The following ALPK2 variants were observed in gnomAD, a reference collection of about 807,000 sequenced individuals.
ALPK2 encodes alpha-protein kinase 2.
In ALPK2, 127 loss-of-function variants were observed where a neutral mutation model predicts 163.1. That is an observed-to-expected ratio of 0.78 (90% confidence interval 0.67 to 0.90). The LOEUF is 0.90. Among genes scored for constraint, ALPK2 ranks in the 40% least tolerant of loss-of-function variants. ALPK2 has a pLI of 0.00. For synonymous variants in ALPK2, 953 were observed against 959.1 expected (o/e 0.99, Z 0.12); for missense variants, 2,360 against 2,589.6 (o/e 0.91, Z 1.92).
intron 11 of ALPK2, among the ~76,000 whole-genome samples, chr18:58,502,187 A>G (rs1199879171): frequency 1.4e-4 from 21 of 146,812 alleles, no homozygotes; most frequent in African/African-American, 5.4e-4. Flanking sequence ...CACAAAGAAA[A>G]AAAAAAGGAA....
intron 5 of ALPK2, among the ~76,000 whole-genome samples, chr18:58,533,156 C>T (rs989445947): frequency 1.7e-4 from 26 of 152,246 alleles, no homozygotes; most frequent in Non-Finnish European, 1.3e-4. Context: ...AGGCGGCATG[C>T]TCGGTCTTTG....
chr18:58,522,097 G>A (rs1307372921), intron 8 of ALPK2, among the ~76,000 whole-genome samples: 1 of 152,100 alleles, frequency 6.6e-6, no homozygotes, highest in Non-Finnish European at 1.5e-5. Context: ...TCAATTAACT[G>A]TCAGAATTTA....
chr18:58,600,270 C>T (rs2052062633), intron 3 of ALPK2, among the ~76,000 whole-genome samples: 1 of 152,148 alleles, frequency 6.6e-6, no homozygotes, highest in African/African-American at 2.4e-5. Flanking sequence ...CTCCTGACCT[C>T]AAGAGATCTG....
Position 58,535,500 on chromosome 18 carries a change from G to A in ALPK2, c.4687C>T (p.Gln1563Ter). ...TCATTTTCAGGGACGTCATGAATTT[G>A]GCCTGTGGAGTTGTGCGTGTCAACC... ...LGVDTHNSTG[Q>*]IHDVPENDIV... The change falls in exon 5 of 13, where the codon CAA becomes TAA. Residue 1563 changes from glutamine (Q) to a stop codon, truncating the protein, a stop_gained. Transcript: ENST00000361673. LOFTEE classifies it high-confidence loss of function. The A allele has an allele frequency of 6.2e-7, 1 of 1,614,134 alleles. No individual in the cohort carries two copies. Among genetic ancestry groups the A allele is most frequent in the Non-Finnish European group, 8.5e-7 (1 of 1,179,998 alleles).
At chr18:58,589,645 A>G (rs1254146148) in intron 3 of ALPK2, among the ~76,000 whole-genome samples, 1 of 152,208 alleles carries the variant, frequency 6.6e-6, no homozygotes, top group East Asian at 1.9e-4. Flanking sequence ...CATCTTCTTC[A>G]TCCTTATTCT....
chr18:58,588,393 C>A (rs576397307), intron 3 of ALPK2, among the ~76,000 whole-genome samples: 1 of 152,094 alleles, frequency 6.6e-6, no homozygotes, highest in Non-Finnish European at 1.5e-5. Context: ...GTGAAAAGGG[C>A]AAATAATGTT....
chr18:58,510,347 A>T (rs1198741802), intron 10 of ALPK2, among the ~76,000 whole-genome samples: 1 of 152,228 alleles, frequency 6.6e-6, no homozygotes, highest in African/African-American at 2.4e-5. Flanking sequence ...CTTTTGGCTT[A>T]GGACTGACTT....
chr18:58,493,375 C>A lies in ALPK2; in HGVS notation c.6296+4674G>T, dbSNP rs529860003. 2.0e-5 allele frequency among the ~76,000 whole-genome samples: 3 copies of A among 152,260 alleles called. No individual in the cohort carries two copies. In the South Asian group the frequency reaches 6.2e-4, roughly 32 times the overall value. On this transcript the variant is annotated intron_variant, in intron 12 of 12. Transcript: ENST00000361673. Reference sequence around the variant, plus strand: ...CACCACTCATGCACATAAGCCTATTCTCGGGGCGTGTTTCTTCGGATTAGA... The same window carrying A: ...CACCACTCATGCACATAAGCCTATTATCGGGGCGTGTTTCTTCGGATTAGA...
chr18:58,516,825 C>CA, intron 9 of ALPK2, 83 bp downstream of exon 9: 1 of 1,474,862 alleles, frequency 6.8e-7, no homozygotes, highest in South Asian at 1.2e-5. Context: ...ATATTCCCAT[C>CA]AATCCTGAGT....
intron 3 of ALPK2, among the ~76,000 whole-genome samples, chr18:58,605,893 G>A (rs1161446067): frequency 6.6e-6 from 1 of 152,204 alleles, no homozygotes; most frequent in Non-Finnish European, 1.5e-5. Context: ...GACAATGTTT[G>A]TGTTATTTAC....
chr18:58,527,427 C>A (rs1039741692), intron 6 of ALPK2, among the ~76,000 whole-genome samples: 1 of 152,172 alleles, frequency 6.6e-6, no homozygotes, highest in African/African-American at 2.4e-5. Flanking sequence ...GCAAACATCA[C>A]TAGGAATCAA....
chr18:58,505,869 C>G (rs1273019612), intron 10 of ALPK2, among the ~76,000 whole-genome samples: 1 of 151,916 alleles, frequency 6.6e-6, no homozygotes, highest in Non-Finnish European at 1.5e-5. Context: ...CACAGTGGAT[C>G]TCTCACTTCT....
At chr18:58,559,137 T>C (rs2051810593) in intron 4 of ALPK2, among the ~76,000 whole-genome samples, 1 of 152,226 alleles carries the variant, frequency 6.6e-6, no homozygotes, top group Admixed American at 6.5e-5. Context: ...TGATGGTATA[T>C]AATCTAGCCA....
chr18:58,543,536 C>A (rs2051702427), intron 4 of ALPK2: 2 of 277,436 alleles, frequency 7.2e-6, no homozygotes, highest in Non-Finnish European at 1.1e-5. Context: ...TGCAGATGAC[C>A]ACGTTCTGGG....
chr18:58,550,278 T>A (rs1338155615), intron 4 of ALPK2, among the ~76,000 whole-genome samples: 8 of 42,538 alleles, frequency 1.9e-4, no homozygotes, highest in Admixed American at 5.5e-4. Flanking sequence ...CTCCTTCCCC[T>A]CCTCCATCAC....
At chr18:58,611,597 C>T in intron 2 of ALPK2, 92 bp downstream of exon 2, 1 of 1,133,636 alleles carries the variant, frequency 8.8e-7, no homozygotes, top group South Asian at 1.4e-5. Flanking sequence ...GGTAATTTTC[C>T]CAAATGATGT....
chr18:58,520,962 G>A (rs1035725201), intron 8 of ALPK2, among the ~76,000 whole-genome samples: 1 of 152,220 alleles, frequency 6.6e-6, no homozygotes, highest in Admixed American at 6.5e-5. Flanking sequence ...GCTGCAGTGA[G>A]CTATGATTGT....
At chr18:58,594,195 C>G (rs2052030180) in intron 3 of ALPK2, among the ~76,000 whole-genome samples, 1 of 152,250 alleles carries the variant, frequency 6.6e-6, no homozygotes, top group South Asian at 2.1e-4. Flanking sequence ...GGCGCAGAAG[C>G]TCTGCCCTTT....
At chr18:58,484,372 G>A (rs1213463749) in intron 12 of ALPK2, among the ~76,000 whole-genome samples, 1 of 152,190 alleles carries the variant, frequency 6.6e-6, no homozygotes, top group Non-Finnish European at 1.5e-5. Flanking sequence ...GAAGAAGACA[G>A]ATATCAAGTC....
Sources: allele counts gnomAD v4.1 joint callset (sites outside exome capture counted in the v4.1 genomes callset), GRCh38; gene constraint gnomAD v4.1.1; transcripts MANE v1.5; gene names NCBI Gene and HGNC (gene_info 2026-07-23, HGNC 2026-07-21).